Variants in LYG1 observed in about 807,000 individuals in gnomAD.
LYG1 encodes lysozyme g1.
Under a neutral mutation model 21.7 loss-of-function variants are expected in LYG1, and 17 were observed. The ratio of observed to expected loss-of-function variants is 0.78; its 90% CI spans 0.54 to 1.18. The LOEUF (loss-of-function observed/expected upper bound fraction) is 1.18. LYG1 is among the 50% of genes most tolerant of loss of function. The pLI is 0.00. For synonymous variants in LYG1, 81 were observed against 87.4 expected, an observed-to-expected ratio of 0.93 and a Z score of 0.41; for missense variants, 211 against 238.1, an observed-to-expected ratio of 0.89 and a Z score of 0.75.
chr2:99,292,354 A>C (rs1479743383), intron 4 of LYG1, among the ~76,000 whole-genome samples, 182 bp downstream of exon 4: 1 of 152,214 alleles, frequency 6.6e-6, no homozygotes, highest in East Asian at 1.9e-4. Context: ...AGCTCACAAC[A>C]ACACTGTAAA....
At chr2:99,293,745 A>G (rs377389649) in intron 3 of LYG1, among the ~76,000 whole-genome samples, 8 of 152,156 alleles carry the variant, frequency 5.3e-5, no homozygotes, top group East Asian at 1.9e-4. Flanking sequence ...TAGATCTACA[A>G]TTCACACAAG....
chr2:99,290,060 G>GT (rs1488132745), intron 5 of LYG1, among the ~76,000 whole-genome samples: 1 of 152,096 alleles, frequency 6.6e-6, no homozygotes, highest in Non-Finnish European at 1.5e-5. Context: ...GTTTCACCAT[G>GT]TTGGCTGGGC....
At chr2:99,300,582 T>C (rs1443897406) in intron 1 of LYG1, among the ~76,000 whole-genome samples, 2 of 152,184 alleles carry the variant, frequency 1.3e-5, no homozygotes, top group East Asian at 1.9e-4. Flanking sequence ...AATAAGATTG[T>C]TATAGAACCA....
chr2:99,301,884 C>T (rs1170355553), upstream of LYG1, among the ~76,000 whole-genome samples: 1 of 151,412 alleles, frequency 6.6e-6, no homozygotes, highest in African/African-American at 2.4e-5. Flanking sequence ...GGACCTACAG[C>T]GTGTTCCAAA....
rs750433758 is a variant in LYG1, at chr2:99,292,540, G to C, written c.144C>G (p.Tyr48Ter). 1.9e-6 allele frequency: 3 copies of C among 1,612,320 alleles called. No individual in the cohort carries two copies. The highest frequency in any genetic ancestry group is 2.5e-6 in the Non-Finnish European group (3 of 1,178,492). Residue 48 changes from tyrosine to a stop codon, truncating the protein, a stop_gained, in exon 4 of 7, where the codon TAC becomes TAG. Coordinates refer to ENST00000308528, the MANE Select transcript of LYG1 (RefSeq NM_174898.3). LOFTEE classifies it high-confidence loss of function. ...AGGGCGAAAGCTCATAGCTACCACA[G>C]TAGTTCAGGCCGTGACGTCTTCCAA... ...CGIGRRHGLN[Y>*]CGVRASERLA...
chr2:99,287,547 T>G (rs1364080832), intron 5 of LYG1, among the ~76,000 whole-genome samples: 1 of 152,172 alleles, frequency 6.6e-6, no homozygotes, highest in East Asian at 1.9e-4. Context: ...AGGCTTTCTT[T>G]TTTTTTAATA....
upstream of LYG1, among the ~76,000 whole-genome samples, chr2:99,302,269 G>C (rs1312871920): frequency 6.6e-6 from 1 of 152,138 alleles, no homozygotes; most frequent in African/African-American, 2.4e-5. Context: ...CCCTGCCTTA[G>C]CTCCCTCCCC....
chr2:99,289,130 A>T (rs1171866351), intron 5 of LYG1, among the ~76,000 whole-genome samples: 1 of 152,142 alleles, frequency 6.6e-6, no homozygotes, highest in Admixed American at 6.6e-5. Context: ...TCATATGCAC[A>T]ATAAGCTTCG....
chr2:99,292,466 T>C, intron 4 of LYG1, 70 bp downstream of exon 4: 1 of 1,164,040 alleles, frequency 8.6e-7, no homozygotes, highest in Admixed American at 1.7e-5. Flanking sequence ...TTTCCAACAC[T>C]CAGTAGCGTG....
chr2:99,292,339 A>T (rs1172074018), intron 4 of LYG1, among the ~76,000 whole-genome samples, 197 bp downstream of exon 4: 4 of 152,196 alleles, frequency 2.6e-5, no homozygotes. Context: ...CATTGTGTCA[A>T]TCAGAGCTCA....
intron 5 of LYG1, among the ~76,000 whole-genome samples, chr2:99,288,417 G>A (rs780471645): frequency 2.0e-5 from 3 of 151,944 alleles, no homozygotes; most frequent in Middle Eastern, 3.4e-3. Context: ...TTTTAATCTC[G>A]TTCATACATC....
At chr2:99,297,860 G>A (rs1023252855) in intron 2 of LYG1, among the ~76,000 whole-genome samples, 6 of 152,170 alleles carry the variant, frequency 3.9e-5, no homozygotes, top group African/African-American at 1.4e-4. Context: ...GGCTAGAGGT[G>A]TATGCCACCA....
chr2:99,290,110 G>A (rs563030795), intron 5 of LYG1, among the ~76,000 whole-genome samples: 2 of 152,068 alleles, frequency 1.3e-5, no homozygotes, highest in East Asian at 3.9e-4. Flanking sequence ...CACCCTCCTC[G>A]TCCTCCCAAA....
At position 99,284,488 on chromosome 2, in the gene LYG1, C is replaced by T. The variant is rs1374321675; in HGVS notation, c.490G>A (p.Gly164Ser). The T allele has an allele frequency of 1.2e-6, 2 of 1,614,132 alleles. No homozygotes were observed. Among genetic ancestry groups the T allele is most frequent in the South Asian group, 2.2e-5 (2 of 91,076 alleles). ...TGGCTGCTTCGGACATAGCCAGCAC[C>T]CCCACTGTAGGCACAGAGTCCACCT... ...LRGGLCAYSG[G>S]AGYVRSSQDL... The change falls in exon 7 of 7, where the codon GGT (glycine) becomes AGT (serine). Residue 164 changes from glycine (G) to serine (S), a missense_variant. By Grantham distance (56) the Gly-to-Ser change is moderately conservative. Transcript: ENST00000308528.
chr2:99,304,485 A>G (rs753229276), upstream of LYG1, among the ~76,000 whole-genome samples: 3 of 152,210 alleles, frequency 2.0e-5, no homozygotes, highest in Admixed American at 2.0e-4. Context: ...AAAGTGGCTA[A>G]GAGAAAAAGG....
intron 6 of LYG1, 28 bp downstream of exon 6, chr2:99,284,660 G>C: frequency 1.2e-6 from 2 of 1,608,796 alleles, no homozygotes; most frequent in Non-Finnish European, 1.7e-6. Context: ...CTGTGCTTGA[G>C]ACAACTGACT....
chr2:99,291,876 G>A (rs574063191), intron 4 of LYG1, among the ~76,000 whole-genome samples: 2 of 152,156 alleles, frequency 1.3e-5, no homozygotes, highest in African/African-American at 2.4e-5. Context: ...ACTCCTAAAC[G>A]ATACCAACAA....
At chr2:99,303,756 C>T (rs2094160449), upstream of LYG1, among the ~76,000 whole-genome samples, 2 of 152,196 alleles carry the variant, frequency 1.3e-5, no homozygotes, top group South Asian at 2.1e-4. Flanking sequence ...CAAATTGTAG[C>T]TTCCATAATT....
chr2:99,297,040 C>T (rs752737531), intron 2 of LYG1, among the ~76,000 whole-genome samples: 2 of 152,120 alleles, frequency 1.3e-5, no homozygotes, highest in South Asian at 2.1e-4. Flanking sequence ...GGAAGTTATT[C>T]GATTTCTGTC....
Sources: gnomAD v4.1 joint callset for allele counts (sites outside exome capture counted in the v4.1 genomes callset) on GRCh38, gnomAD v4.1.1 for gene constraint, MANE v1.5 for transcripts, NCBI Gene and HGNC (gene_info 2026-07-23, HGNC 2026-07-21) for gene names.